ADNP: variants seen among roughly 807,000 people sequenced by gnomAD.
The protein encoded by ADNP is activity-dependent neuroprotector homeobox protein.
In ADNP, 4 loss-of-function variants were observed where a neutral mutation model predicts 84.9. The observed-to-expected ratio is 0.05, with a 90% confidence interval of 0.02 to 0.11. The LOEUF (loss-of-function observed/expected upper bound fraction) is 0.11, where lower values mean the gene tolerates loss of function less well. Ranked by LOEUF, ADNP falls within the 10% of genes least tolerant of loss-of-function variation. ADNP has a pLI of 1.00. For missense variants in ADNP, 1,132 were observed against 1,326.0 expected (o/e 0.85, Z 2.27); for synonymous variants, 554 against 468.1 (o/e 1.18, Z -2.37).
intron 5 of ADNP, among the ~76,000 whole-genome samples, chr20:50,895,941 T>C (rs753618907): frequency 8.5e-5 from 13 of 152,294 alleles, no homozygotes; most frequent in East Asian, 3.9e-4. Context: ...CACAAACAGA[T>C]TGGCCAGGCA....
In ADNP at chr20:50,891,845, C is replaced by T; in HGVS notation, c.2869G>A (p.Val957Ile). 6.2e-7 allele frequency: 1 copy of T among 1,614,236 alleles called. No individual in the cohort carries two copies. Among genetic ancestry groups the T allele is most frequent in the Non-Finnish European group, 8.5e-7 (1 of 1,180,046 alleles). ...KLMHNASDSEVDQDDVVEWKD... is the reference protein window; with the variant it reads ...KLMHNASDSEIDQDDVVEWKD... The stretch of plus-strand genomic sequence containing the variant: ...CACTCAACAACATCGTCTTGGTCAA[C>T]CTCACTATCAGATGCATTGTGCATT... The change falls in exon 6 of 6, where the codon GTT becomes ATT. Residue 957 changes from valine (V) to isoleucine (I), a missense_variant. Physicochemically the swap from Val to Ile is conservative, Grantham distance 29. Coordinates refer to ENST00000621696, the MANE Select transcript of ADNP (RefSeq NM_001282531.3).
chr20:50,908,741 T>G (rs568598046), intron 2 of ADNP, among the ~76,000 whole-genome samples: 1 of 151,978 alleles, frequency 6.6e-6, no homozygotes, highest in African/African-American at 2.4e-5. Flanking sequence ...GCCACTGCAC[T>G]CCAGCCTGGG....
chr20:50,896,496 T>C (rs1442664396), intron 5 of ADNP, among the ~76,000 whole-genome samples: 1 of 152,046 alleles, frequency 6.6e-6, no homozygotes, highest in East Asian at 1.9e-4. Context: ...GAGACTGAGG[T>C]TGCAGTGAGC....
At chr20:50,911,072 C>T (rs574623061) in intron 2 of ADNP, among the ~76,000 whole-genome samples, 2 of 152,346 alleles carry the variant, frequency 1.3e-5, no homozygotes, top group South Asian at 4.1e-4. Flanking sequence ...TTTTACTAAT[C>T]CAGGCCCATA....
In ADNP at chr20:50,891,895, T is replaced by A. The variant is rs776090032; in HGVS notation, c.2819A>T (p.His940Leu). The A allele has an allele frequency of 6.2e-7, 1 of 1,614,248 alleles. No homozygotes were observed. Among genetic ancestry groups the A allele is most frequent in the South Asian group, 1.1e-5 (1 of 91,076 alleles). The change falls in exon 6 of 6, where the codon CAT becomes CTT. Residue 940 changes from histidine (H) to leucine (L), a missense_variant. Around this residue, in one of 10 missense-constraint regions of ADNP, gnomAD observed 381 missense variants for 319.9 expected, o/e 1.19. Coordinates refer to ENST00000621696, the MANE Select transcript of ADNP (RefSeq NM_001282531.3). ...TAGTTTGGTTGGTTCCTCAGTCAAA[T>A]GAATAGTTTCGTATTTTGAACCATC... Reference protein sequence around the residue: ...KEDGSKYETIHLTEEPTKLMH... With the variant: ...KEDGSKYETILLTEEPTKLMH...
At chr20:50,921,305 T>C (rs909904887) in intron 2 of ADNP, among the ~76,000 whole-genome samples, 3 of 152,238 alleles carry the variant, frequency 2.0e-5, no homozygotes, top group South Asian at 2.1e-4. Flanking sequence ...AGTGTTTTTA[T>C]ACAATATTTT....
At chr20:50,923,983 A>T (rs1984130488) in intron 2 of ADNP, among the ~76,000 whole-genome samples, 1 of 152,172 alleles carries the variant, frequency 6.6e-6, no homozygotes, top group Non-Finnish European at 1.5e-5. Context: ...CCATATTTCC[A>T]CTAGACAGGA....
rs1008156672 is a variant in ADNP at position 50,891,076 on chromosome 20, C to G, written c.*329G>C. The G allele has an allele frequency of 4.5e-6, 5 of 1,112,696 alleles. No individual in the cohort carries two copies. In the African/African-American group the frequency reaches 8.2e-5, roughly 18 times the overall value. The allele number at this position is 1,112,696 out of a possible 1,614,324, so 68.9% of individuals were successfully genotyped here. A position where few individuals can be genotyped will look rare whatever the true frequency, so the allele number is the denominator to read the frequency against. On this transcript the variant is annotated 3_prime_UTR_variant, in exon 6 of 6. Transcript: ENST00000621696. ...CCATGTGAATTAGTTTAACACTTCT[C>G]AAAGACATCTGACCAATCATTTCAC...
chr20:50,924,801 T>C lies in ADNP; in HGVS notation c.-90+3850A>G, dbSNP rs7269052. ...CCTTACTGAAGAGGGTATTAGGATA[T>C]GCAGATTCATTTTTAATTCTAACAG... On this transcript the variant is annotated intron_variant, in intron 2 of 5. Coordinates refer to ENST00000621696, the MANE Select transcript of ADNP (RefSeq NM_001282531.3). Among the ~76,000 whole-genome samples the C allele has an allele frequency of 2.7e-3, 404 of 152,346 alleles. 2 individuals carry two copies. The highest frequency in any genetic ancestry group is 8.7e-3 in the African/African-American group (360 of 41,586).
chr20:50,903,761 T>A, intron 4 of ADNP, 128 bp downstream of exon 4: 1 of 692,502 alleles, frequency 1.4e-6, no homozygotes, highest in South Asian at 1.9e-5. Flanking sequence ...TTGAGAATGT[T>A]TTCGTGAAGC....
intron 2 of ADNP, among the ~76,000 whole-genome samples, chr20:50,914,977 T>A (rs1464291393): frequency 8.2e-6 from 1 of 122,602 alleles, no homozygotes; most frequent in African/African-American, 5.4e-5. Context: ...TACACGTGTA[T>A]TTTTTTTTTG....
In ADNP at chr20:50,894,626, G is replaced by A. The variant is rs1981195368; in HGVS notation, c.202-114C>T. The A allele has an allele frequency of 3.5e-6, 4 of 1,156,704 alleles. No homozygotes were observed. In the South Asian group the frequency reaches 4.9e-5, roughly 14 times the overall value. 71.7% of individuals were successfully genotyped at this position (1,156,704 alleles called of 1,614,324 possible). On this transcript the variant is annotated intron_variant, in intron 5 of 5. Transcript: ENST00000621696. ...GCATTGATTTTAGGCCGCGCGTGGT[G>A]GCTCACGCCTGTAATCCCAGCACTT...
chr20:50,904,108 G>A, intron 3 of ADNP, 107 bp from the exon 4 acceptor site: 1 of 796,112 alleles, frequency 1.3e-6, no homozygotes, highest in East Asian at 2.7e-5. Context: ...GACAAAAAAG[G>A]TGCATAGATA....
chr20:50,910,576 G>A (rs1049681938), intron 2 of ADNP, among the ~76,000 whole-genome samples: 3 of 152,202 alleles, frequency 2.0e-5, no homozygotes, highest in Non-Finnish European at 4.4e-5. Flanking sequence ...GACAGAGTAA[G>A]GCCCTGCCTC....
At chr20:50,912,006 A>C (rs890191781) in intron 2 of ADNP, among the ~76,000 whole-genome samples, 11 of 152,190 alleles carry the variant, frequency 7.2e-5, no homozygotes, top group Non-Finnish European at 1.3e-4. Context: ...ACCCAAAGTG[A>C]TGACTAATGT....
intron 2 of ADNP, among the ~76,000 whole-genome samples, chr20:50,915,860 T>C (rs1600981675): frequency 6.6e-6 from 1 of 152,208 alleles, no homozygotes; most frequent in East Asian, 1.9e-4. Flanking sequence ...GACACACGTA[T>C]GTACTGAAAG....
At chr20:50,901,052 T>C (rs146998215) in intron 5 of ADNP, among the ~76,000 whole-genome samples, 222 of 152,314 alleles carry the variant, frequency 1.5e-3, no homozygotes, top group African/African-American at 5.1e-3. Context: ...GAATTATGAT[T>C]GTTAACACCT....
At chr20:50,915,262 C>T (rs1018594045) in intron 2 of ADNP, among the ~76,000 whole-genome samples, 1 of 152,122 alleles carries the variant, frequency 6.6e-6, no homozygotes, top group Non-Finnish European at 1.5e-5. Context: ...ACTGTGGTCA[C>T]GGTAAAACCC....
intron 3 of ADNP, chr20:50,904,245 GTGCAGTGCACTCATGGTTCATTGAC>G (rs1273617761): frequency 2.8e-5 from 13 of 467,570 alleles, no homozygotes; most frequent in African/African-American, 2.6e-4. Flanking sequence ...GCAGGCTGGA[GTGCAGTGCACTCATGGTTCATTGAC>G]TGCAGTGCAC....
Sources: allele counts gnomAD v4.1 joint callset (sites outside exome capture counted in the v4.1 genomes callset), GRCh38; gene constraint gnomAD v4.1.1; regional missense constraint gnomAD v4.1.1; transcripts MANE v1.5; gene names NCBI Gene and HGNC (gene_info 2026-07-23, HGNC 2026-07-21).